The following GALNT2 variants were observed in gnomAD, a reference collection of about 807,000 sequenced individuals.
GALNT2 encodes the protein polypeptide N-acetylgalactosaminyltransferase 2.
A neutral mutation model predicts 81.4 loss-of-function variants in GALNT2; 31 were observed. The observed-to-expected ratio is 0.38, with a 90% confidence interval of 0.29 to 0.51. The LOEUF is 0.51. Ranked by LOEUF, GALNT2 falls within the 20% of genes least tolerant of loss-of-function variation. The pLI, the probability that GALNT2 is intolerant of heterozygous loss-of-function variation, is 0.87. For synonymous variants in GALNT2, 303 were observed against 287.4 expected (o/e 1.05, Z -0.55); for missense variants, 629 against 765.7 (o/e 0.82, Z 2.11).
chr1:230,195,600 G>A (rs753575039), intron 2 of GALNT2, among the ~76,000 whole-genome samples: 12 of 152,120 alleles, frequency 7.9e-5, no homozygotes, highest in Non-Finnish European at 1.5e-4. Context: ...CAGCATCAGC[G>A]GTGCGGGCAT....
At chr1:230,198,107 G>A (rs1003501834) in intron 2 of GALNT2, among the ~76,000 whole-genome samples, 2 of 152,208 alleles carry the variant, frequency 1.3e-5, no homozygotes, top group Admixed American at 1.3e-4. Context: ...TCCCAGTCAC[G>A]CGCAGGATTG....
rs755073372 is a variant in GALNT2 at position 230,279,417 on chromosome 1, C to A, written c.1675C>A (p.Leu559Ile). 1.9e-6 allele frequency: 3 copies of A among 1,614,158 alleles called. No individual in the cohort carries two copies. The highest frequency in any genetic ancestry group is 4.5e-5 in the East Asian group (2 of 44,880). The change falls in exon 16 of 16, where the codon CTT becomes ATT. Residue 559 changes from leucine (L) to isoleucine (I), a missense_variant. By Grantham distance (5) the Leu-to-Ile change is conservative. Around this residue, in one of 3 missense-constraint regions of GALNT2, gnomAD observed 207 missense variants for 225.5 expected, o/e 0.92. Coordinates refer to ENST00000366672, the MANE Select transcript of GALNT2 (RefSeq NM_004481.5). This position sits in a 1 kb window ranked among gnomAD's most constrained non-coding sequence, Gnocchi z 4.6. Reference sequence around the variant, plus strand: ...AAGCGTGGAGGTGTGTGGCCCGGCCCTTTCGCAGCAGTGGAAGTTCACGCT... The same window carrying A: ...AAGCGTGGAGGTGTGTGGCCCGGCCATTTCGCAGCAGTGGAAGTTCACGCT... ...GLSVEVCGPA[L>I]SQQWKFTLNL...
At chr1:230,088,965 T>C (rs1659978471) in intron 1 of GALNT2, among the ~76,000 whole-genome samples, 1 of 152,216 alleles carries the variant, frequency 6.6e-6, no homozygotes, top group Non-Finnish European at 1.5e-5. Context: ...TGTGGATTTA[T>C]CCATTCTAGA....
At chr1:230,194,042 A>G (rs999039082) in intron 2 of GALNT2, among the ~76,000 whole-genome samples, 1 of 152,154 alleles carries the variant, frequency 6.6e-6, no homozygotes, top group African/African-American at 2.4e-5. Context: ...CCAAAACTAA[A>G]CCAGGAAAAA....
At chr1:230,228,530 T>C (rs1362524955) in intron 3 of GALNT2, among the ~76,000 whole-genome samples, 8 of 151,698 alleles carry the variant, frequency 5.3e-5, no homozygotes, top group African/African-American at 1.7e-4. Flanking sequence ...AACTATTAAA[T>C]CATGCTGGGG....
intron 1 of GALNT2, among the ~76,000 whole-genome samples, chr1:230,146,278 G>A (rs953602174): frequency 6.6e-6 from 1 of 152,158 alleles, no homozygotes; most frequent in East Asian, 1.9e-4. Context: ...GAGGAGTCCC[G>A]CGCCTTCTCT....
At chr1:230,198,063 G>A (rs1024266303) in intron 2 of GALNT2, among the ~76,000 whole-genome samples, 1 of 152,262 alleles carries the variant, frequency 6.6e-6, no homozygotes, top group African/African-American at 2.4e-5. Flanking sequence ...ACGCAGCGAT[G>A]AGATGTGTAA....
chr1:230,265,417 G>A lies in GALNT2; in HGVS notation c.1440+50G>A, dbSNP rs372642987. 6 of 1,612,024 alleles carry A rather than the reference G, an allele frequency of 3.7e-6. No homozygotes were observed. The African/African-American group carries it at 6.7e-5, about 18-fold the overall frequency. ...ACCTGCAGGCCCAGAGAGAGCAGGA[G>A]TTGGGGGGGTCCTGATGTTAGAAGT... On this transcript the variant is annotated intron_variant, in intron 14 of 15. Transcript: ENST00000366672.
rs1043760851 is a variant in GALNT2 at position 230,093,491 on chromosome 1, G to T, written c.126+26085G>T. On this transcript the variant is annotated intron_variant, in intron 1 of 15. Transcript: ENST00000366672. ...CCTGACCTGGCCAAGGGTAAAACTAGATCGGCTGCGGGCTGTGTTCCCTGG... is the reference window on the plus strand; with the variant it reads ...CCTGACCTGGCCAAGGGTAAAACTATATCGGCTGCGGGCTGTGTTCCCTGG... Among the ~76,000 whole-genome samples the T allele has an allele frequency of 9.2e-5, 14 of 152,208 alleles. 2 individuals carry two copies. The highest frequency in any genetic ancestry group is 9.2e-4 in the Admixed American group (14 of 15,274).
At chr1:230,159,792 T>C (rs2102845418) in intron 1 of GALNT2, among the ~76,000 whole-genome samples, 2 of 152,362 alleles carry the variant, frequency 1.3e-5, no homozygotes, top group South Asian at 4.1e-4. Flanking sequence ...TGGCTGGCTT[T>C]GGGTGCAATG....
At chr1:230,081,064 CA>C (rs1659710479) in intron 1 of GALNT2, among the ~76,000 whole-genome samples, 2 of 152,286 alleles carry the variant, frequency 1.3e-5, no homozygotes, top group South Asian at 4.1e-4. Context: ...TGAAGTGAAC[CA>C]ACCTACTTTC....
At chr1:230,223,891 ATCAGAACTGC>A (rs772992395) in intron 3 of GALNT2, among the ~76,000 whole-genome samples, 12 of 152,200 alleles carry the variant, frequency 7.9e-5, no homozygotes, top group Non-Finnish European at 1.3e-4. Flanking sequence ...ACTTGGGACA[ATCAGAACTGC>A]TCAGGGGTCC....
chr1:230,200,854 T>C (rs759006208), intron 2 of GALNT2, among the ~76,000 whole-genome samples: 2 of 152,346 alleles, frequency 1.3e-5, no homozygotes, highest in Admixed American at 6.5e-5. Flanking sequence ...CTTTATTCCA[T>C]AGTTCAAAGT....
intron 1 of GALNT2, among the ~76,000 whole-genome samples, chr1:230,119,549 T>C (rs906638121): frequency 4.6e-5 from 7 of 152,214 alleles, no homozygotes; most frequent in African/African-American, 1.4e-4. Flanking sequence ...TGTCTGTATC[T>C]CCTAGTTCTT....
In GALNT2 at chr1:230,262,556, A is replaced by G. The variant is rs761293289; in HGVS notation, c.1137-17A>G. On this transcript the variant is annotated splice_polypyrimidine_tract_variant and intron_variant, in intron 11 of 15. Transcript: ENST00000366672. ...GAAAGAAAGGAAATCACACCTCAAG[A>G]TTTATTTTCTTTCTAGAAACACCCG... The G allele has an allele frequency of 1.9e-6, 3 of 1,605,238 alleles. No homozygotes were observed. The highest frequency in any genetic ancestry group is 1.7e-4 in the Middle Eastern group (1 of 6,042).
At position 230,270,144 on chromosome 1, in the gene GALNT2, T is replaced by C. The variant is rs552981012; in HGVS notation, c.1441-4301T>C. On this transcript the variant is annotated intron_variant, in intron 14 of 15. Transcript: ENST00000366672. The stretch of plus-strand genomic sequence containing the variant: ...TGAACCCGGGAGGTGGAGGTTGCAG[T>C]GAGCCGAGATCGCACCACTATACTC... Among the ~76,000 whole-genome samples the C allele has an allele frequency of 5.3e-5, 8 of 152,150 alleles. No homozygotes were observed. In the South Asian group the frequency reaches 1.5e-3, roughly 28 times the overall value.
chr1:230,244,787 A>G (rs974820394), intron 7 of GALNT2, among the ~76,000 whole-genome samples: 7 of 152,164 alleles, frequency 4.6e-5, no homozygotes, highest in Non-Finnish European at 7.3e-5. Context: ...TCTGCCCTCA[A>G]TGCACCACAC....
At chr1:230,277,305 A>G (rs1666328506) in intron 15 of GALNT2, among the ~76,000 whole-genome samples, 1 of 152,164 alleles carries the variant, frequency 6.6e-6, no homozygotes, top group Admixed American at 6.5e-5. Context: ...AGAGCCCACA[A>G]GGCCACCTGT....
rs1666395154 is a variant in GALNT2 at position 230,280,024 on chromosome 1, T to C, written c.*566T>C. On this transcript the variant is annotated 3_prime_UTR_variant, in exon 16 of 16. Coordinates refer to ENST00000366672, the MANE Select transcript of GALNT2 (RefSeq NM_004481.5). ...CCCTCCACCTCATGTACTTGCTATA[T>C]TGAGGATGAAGTTTTCTATGGTGGG... is the stretch of plus-strand genomic sequence containing the variant. The C allele has an allele frequency of 2.2e-6, 1 of 455,932 alleles. No homozygotes were observed. Among genetic ancestry groups the C allele is most frequent in the Admixed American group, 2.3e-5 (1 of 42,556 alleles). 28.2% of individuals were successfully genotyped at this position (455,932 alleles called of 1,614,324 possible). A position where few individuals can be genotyped will look rare whatever the true frequency, so the allele number is the denominator to read the frequency against.
Sources: gnomAD v4.1 joint callset for allele counts (sites outside exome capture counted in the v4.1 genomes callset) on GRCh38, gnomAD v4.1.1 for gene constraint, gnomAD v4.1.1 regional missense constraint, Gnocchi (gnomAD v3.1) non-coding constraint, MANE v1.5 for transcripts, NCBI Gene and HGNC (gene_info 2026-07-23, HGNC 2026-07-21) for gene names.